NRXN1: variants seen among roughly 807,000 people sequenced by gnomAD.
NRXN1 encodes neurexin-1.
In NRXN1, 39 loss-of-function variants were observed where a neutral mutation model predicts 150.9. The ratio of observed to expected loss-of-function variants is 0.26; its 90% CI spans 0.20 to 0.34. NRXN1 has a LOEUF of 0.34. Among genes scored for constraint, NRXN1 ranks in the 10% least tolerant of loss-of-function variants. NRXN1 has a pLI of 1.00. For synonymous variants in NRXN1, 924 were observed against 757.0 expected, an observed-to-expected ratio of 1.22 and a Z score of -3.62; for missense variants, 1,815 against 1,949.9, an observed-to-expected ratio of 0.93 and a Z score of 1.30.
intron 21 of NRXN1, among the ~76,000 whole-genome samples, chr2:49,982,114 A>G (rs749849333): frequency 1.6e-4 from 25 of 152,148 alleles, no homozygotes; most frequent in Non-Finnish European, 1.8e-4. Flanking sequence ...TAGTCACACC[A>G]GCCTTGGACA....
At chr2:50,470,783 G>T (rs966940919) in intron 16 of NRXN1, among the ~76,000 whole-genome samples, 1 of 151,738 alleles carries the variant, frequency 6.6e-6, no homozygotes, top group African/African-American at 2.4e-5. Context: ...ATTTATGGAG[G>T]AAGAATTTGC....
chr2:50,429,748 A>C (rs1023643410), intron 17 of NRXN1, among the ~76,000 whole-genome samples: 5 of 152,136 alleles, frequency 3.3e-5, no homozygotes, highest in African/African-American at 1.2e-4. Context: ...ATCAGCCTTC[A>C]AAAAGGAACC....
At chr2:50,568,691 T>C (rs1670219414) in intron 8 of NRXN1, among the ~76,000 whole-genome samples, 1 of 152,096 alleles carries the variant, frequency 6.6e-6, no homozygotes, top group Non-Finnish European at 1.5e-5. Flanking sequence ...ACACTGTTTG[T>C]GGGAATGTAA....
intron 5 of NRXN1, among the ~76,000 whole-genome samples, chr2:50,651,487 GACATGACATGACATGACATGACATA>G (rs1685614401): frequency 6.8e-6 from 1 of 148,016 alleles, no homozygotes; most frequent in Non-Finnish European, 1.5e-5. Context: ...GACATGACAT[GACATGACATGACATGACATGACATA>G]ACATGACATA....
At chr2:50,891,084 C>T (rs2103825883) in intron 5 of NRXN1, among the ~76,000 whole-genome samples, 1 of 152,048 alleles carries the variant, frequency 6.6e-6, no homozygotes, top group Non-Finnish European at 1.5e-5. Flanking sequence ...TCCACAGCCT[C>T]CTCGAAGTCA....
intron 5 of NRXN1, among the ~76,000 whole-genome samples, chr2:50,689,395 A>G (rs1410557123): frequency 6.6e-6 from 1 of 152,174 alleles, no homozygotes; most frequent in Non-Finnish European, 1.5e-5. Flanking sequence ...TCACCACTAC[A>G]AATCAATATA....
At chr2:50,350,441 G>T (rs1456617406) in intron 17 of NRXN1, among the ~76,000 whole-genome samples, 1 of 152,134 alleles carries the variant, frequency 6.6e-6, no homozygotes, top group Admixed American at 6.5e-5. Flanking sequence ...TGTGAGAGCT[G>T]AAACAAGAAG....
intron 5 of NRXN1, among the ~76,000 whole-genome samples, chr2:50,636,344 C>G (rs966086350): frequency 1.3e-5 from 2 of 152,094 alleles, no homozygotes; most frequent in Non-Finnish European, 2.9e-5. Context: ...CAGCTCTGCC[C>G]TTTACCACCC....
intron 18 of NRXN1, among the ~76,000 whole-genome samples, chr2:50,162,699 A>G (rs1437045534): frequency 6.6e-6 from 1 of 152,146 alleles, no homozygotes; most frequent in Non-Finnish European, 1.5e-5. Flanking sequence ...ATTTTTATAA[A>G]AAATAATTTG....
chr2:50,262,606 C>G (rs567378203), intron 17 of NRXN1, among the ~76,000 whole-genome samples: 1 of 152,068 alleles, frequency 6.6e-6, no homozygotes, highest in East Asian at 1.9e-4. Flanking sequence ...AGCTGAAATT[C>G]TTATGAGCCT....
At chr2:50,229,466 T>A (rs1322088607) in intron 18 of NRXN1, among the ~76,000 whole-genome samples, 1 of 152,094 alleles carries the variant, frequency 6.6e-6, no homozygotes, top group African/African-American at 2.4e-5. Flanking sequence ...ATCTATATTG[T>A]GTTTAGAGTT....
At chr2:50,495,167 A>C (rs2091494985) in intron 15 of NRXN1, among the ~76,000 whole-genome samples, 1 of 152,184 alleles carries the variant, frequency 6.6e-6, no homozygotes, top group African/African-American at 2.4e-5. Context: ...TAGATGGGAT[A>C]CACACATATA....
chr2:50,014,336 T>C (rs1272579835), intron 21 of NRXN1, among the ~76,000 whole-genome samples: 2 of 152,154 alleles, frequency 1.3e-5, no homozygotes, highest in Admixed American at 6.5e-5. Flanking sequence ...ATGTGTTATA[T>C]ACTATTTTAA....
intron 5 of NRXN1, among the ~76,000 whole-genome samples, chr2:50,897,647 G>A (rs1682204446): frequency 6.6e-6 from 1 of 152,304 alleles, no homozygotes; most frequent in African/African-American, 2.4e-5. Context: ...GTGCAGAAAT[G>A]AAGAAGCCAC....
intron 17 of NRXN1, among the ~76,000 whole-genome samples, chr2:50,393,180 T>A (rs867349298): frequency 8.3e-4 from 125 of 151,376 alleles, no homozygotes; most frequent in African/African-American, 2.6e-3. Context: ...AAAAAAATAA[T>A]AATAAAACAT....
intron 18 of NRXN1, among the ~76,000 whole-genome samples, chr2:50,180,782 T>C (rs958825469): frequency 3.9e-5 from 6 of 152,158 alleles, no homozygotes; most frequent in Admixed American, 2.6e-4. Flanking sequence ...GTTTTAGGTA[T>C]TCTGTTATAG....
chr2:50,632,248 G>A (rs1682467168), intron 5 of NRXN1: 1 of 151,820 alleles, frequency 6.6e-6, no homozygotes. Flanking sequence ...AGACTGGGGT[G>A]GTCTGTAACT....
At chr2:50,268,141 G>A (rs1460300473) in intron 17 of NRXN1, among the ~76,000 whole-genome samples, 1 of 152,166 alleles carries the variant, frequency 6.6e-6, no homozygotes, top group Admixed American at 6.6e-5. Flanking sequence ...AGTGAGCAGA[G>A]ATTGTGCCAC....
intron 5 of NRXN1, among the ~76,000 whole-genome samples, chr2:50,671,404 C>CA (rs1178027998): frequency 6.6e-6 from 1 of 151,368 alleles, no homozygotes; most frequent in African/African-American, 2.4e-5. Flanking sequence ...CTGAATATGG[C>CA]AAAATTATAT....
Sources: gnomAD v4.1 joint callset for allele counts (sites outside exome capture counted in the v4.1 genomes callset) on GRCh38, gnomAD v4.1.1 for gene constraint, MANE v1.5 for transcripts, NCBI Gene and HGNC (gene_info 2026-07-23, HGNC 2026-07-21) for gene names.